Variants in ZNF438 observed in about 807,000 individuals in gnomAD.
ZNF438 encodes zinc finger protein 438.
A neutral mutation model predicts 38.0 loss-of-function variants in ZNF438; 25 were observed. The ratio of observed to expected loss-of-function variants is 0.66; its 90% CI spans 0.48 to 0.92. The LOEUF is 0.92. ZNF438 is among the 40% of genes least tolerant of loss of function. The pLI, the probability that ZNF438 is intolerant of heterozygous loss-of-function variation, is 0.00. For missense variants in ZNF438, 1,007 were observed against 999.6 expected, an observed-to-expected ratio of 1.01 and a Z score of -0.10; for synonymous variants, 372 against 364.1, an observed-to-expected ratio of 1.02 and a Z score of -0.25.
intron 1 of ZNF438, among the ~76,000 whole-genome samples, chr10:31,026,855 T>C (rs2056977751): frequency 6.6e-6 from 1 of 152,084 alleles, no homozygotes; most frequent in Non-Finnish European, 1.5e-5. Flanking sequence ...TGTCCATCAA[T>C]GATAGACTGG....
intron 1 of ZNF438, among the ~76,000 whole-genome samples, chr10:31,013,243 C>T (rs2055883940): frequency 6.6e-6 from 1 of 151,832 alleles, no homozygotes; most frequent in African/African-American, 2.4e-5. Flanking sequence ...GGCGTGAACC[C>T]GGGAGGCGGA....
intron 2 of ZNF438, among the ~76,000 whole-genome samples, chr10:30,929,172 C>T (rs751443921): frequency 3.3e-5 from 5 of 152,206 alleles, no homozygotes; most frequent in Non-Finnish European, 7.3e-5. Context: ...GTGGGCAGAT[C>T]ACAAGGTCGG....
intron 3 of ZNF438, among the ~76,000 whole-genome samples, chr10:30,881,825 C>G (rs775380334): frequency 2.7e-4 from 41 of 152,092 alleles, no homozygotes; most frequent in Non-Finnish European, 3.8e-4. Context: ...AGCTGTGGAA[C>G]ATGAATAGTC....
intron 4 of ZNF438, among the ~76,000 whole-genome samples, chr10:30,865,871 G>T (rs1465433994): frequency 3.9e-5 from 6 of 152,154 alleles, no homozygotes; most frequent in Non-Finnish European, 8.8e-5. Context: ...TAGCAAGAGG[G>T]GATTAGATTA....
intron 1 of ZNF438, among the ~76,000 whole-genome samples, chr10:30,961,307 T>G (rs1177093146): frequency 6.9e-6 from 1 of 144,004 alleles, no homozygotes; most frequent in Non-Finnish European, 1.6e-5. Context: ...TTATTAGAAA[T>G]GAGGTCTCGC....
At chr10:30,874,558 T>C (rs2038118897) in intron 4 of ZNF438, among the ~76,000 whole-genome samples, 2 of 152,152 alleles carry the variant, frequency 1.3e-5, no homozygotes, top group African/African-American at 4.8e-5. Context: ...AATGAATGAA[T>C]GAGTAAATTA....
intron 1 of ZNF438, among the ~76,000 whole-genome samples, chr10:31,002,071 A>C (rs1204235897): frequency 6.6e-6 from 1 of 152,258 alleles, no homozygotes; most frequent in Non-Finnish European, 1.5e-5. Flanking sequence ...CAGCATGTTC[A>C]GGGAAAGGCA....
intron 3 of ZNF438, among the ~76,000 whole-genome samples, chr10:30,897,999 TAAATA>T (rs1399565364): frequency 1.3e-5 from 2 of 152,152 alleles, no homozygotes; most frequent in Non-Finnish European, 1.5e-5. Context: ...AATACTATAT[TAAATA>T]TAATATTACA....
intron 3 of ZNF438, among the ~76,000 whole-genome samples, chr10:30,878,450 C>A (rs2133714075): frequency 6.6e-6 from 1 of 152,258 alleles, no homozygotes; most frequent in South Asian, 2.1e-4. Flanking sequence ...CAGCTCCTCT[C>A]TCCACTGAGA....
intron 2 of ZNF438, among the ~76,000 whole-genome samples, chr10:30,917,239 T>A (rs1236321952): frequency 6.6e-6 from 1 of 152,114 alleles, no homozygotes; most frequent in Non-Finnish European, 1.5e-5. Context: ...ATCCATTCTC[T>A]TACTGATGGG....
At chr10:30,991,310 G>C (rs1196286413) in intron 1 of ZNF438, among the ~76,000 whole-genome samples, 1 of 152,156 alleles carries the variant, frequency 6.6e-6, no homozygotes, top group African/African-American at 2.4e-5. Flanking sequence ...TTCTGTAGAG[G>C]CACAGCTGAG....
At chr10:30,996,738 A>T (rs2054085109) in intron 1 of ZNF438, among the ~76,000 whole-genome samples, 1 of 152,108 alleles carries the variant, frequency 6.6e-6, no homozygotes, top group Non-Finnish European at 1.5e-5. Context: ...TCCACTCAAC[A>T]AGGCAATATG....
chr10:30,934,950 G>A (rs1204466928), intron 2 of ZNF438, among the ~76,000 whole-genome samples: 2 of 152,214 alleles, frequency 1.3e-5, no homozygotes, highest in Non-Finnish European at 2.9e-5. Flanking sequence ...ATTACTTTTA[G>A]TAAGTTTGTA....
chr10:30,987,117 CA>C (rs1169498717), intron 1 of ZNF438, among the ~76,000 whole-genome samples: 4 of 152,004 alleles, frequency 2.6e-5, no homozygotes, highest in East Asian at 3.9e-4. Context: ...GACATTCTAC[CA>C]ATTAAAATTT....
intron 2 of ZNF438, among the ~76,000 whole-genome samples, chr10:30,912,803 A>G (rs1343754718): frequency 1.3e-5 from 2 of 152,038 alleles, no homozygotes; most frequent in African/African-American, 4.8e-5. Context: ...TTACTATTTG[A>G]CCTTTCCTCT....
rs118133838 is a variant in ZNF438 at position 31,013,374 on chromosome 10, C to T, written c.-192+18459G>A. Among the ~76,000 whole-genome samples, 113 of 152,280 alleles carry T rather than the reference C, an allele frequency of 7.4e-4. No individual in the cohort carries two copies. The East Asian group carries it at 0.015, about 20-fold the overall frequency. ...GGGAATTCCACAAATACATGGCCTC[C>T]CACCTCAGCAGACCCTTCTCACTGC... On this transcript the variant is annotated intron_variant, in intron 1 of 5. Transcript: ENST00000413025.
At chr10:30,961,881 C>G (rs1205998950) in intron 1 of ZNF438, among the ~76,000 whole-genome samples, 1 of 121,306 alleles carries the variant, frequency 8.2e-6, no homozygotes, top group African/African-American at 2.7e-5. Flanking sequence ...GAGTGAGACT[C>G]CATCCCAAAA....
chr10:30,849,440 G>A, exon 5 of ZNF438: 1 of 1,614,164 alleles, frequency 6.2e-7, no homozygotes, highest in Non-Finnish European at 8.5e-7. Context: ...GTCGGCCTTA[G>A]GTCCTGGTAA....
intron 1 of ZNF438, among the ~76,000 whole-genome samples, chr10:30,950,537 T>C (rs1274471307): frequency 6.6e-6 from 1 of 151,828 alleles, no homozygotes; most frequent in African/African-American, 2.4e-5. Flanking sequence ...GAAGAATCAA[T>C]AGATGCAATA....
Sources: allele counts gnomAD v4.1 joint callset (sites outside exome capture counted in the v4.1 genomes callset), GRCh38; gene constraint gnomAD v4.1.1; transcripts MANE v1.5; gene names NCBI Gene and HGNC (gene_info 2026-07-23, HGNC 2026-07-21).